The following NALF1 variants were observed in gnomAD, a reference collection of about 807,000 sequenced individuals.
NALF1 encodes NALCN channel auxiliary factor 1.
Under a neutral mutation model 48.4 loss-of-function variants are expected in NALF1, and 3 were observed. That is an observed-to-expected ratio of 0.06 (90% confidence interval 0.03 to 0.16). The LOEUF (loss-of-function observed/expected upper bound fraction) is 0.16, where lower values mean the gene tolerates loss of function less well. Among genes scored for constraint, NALF1 ranks in the 10% least tolerant of loss-of-function variants. The pLI is 1.00. For missense variants in NALF1, 526 were observed against 571.5 expected (o/e 0.92, Z 0.81); for synonymous variants, 262 against 245.7 (o/e 1.07, Z -0.62).
At chr13:107,820,216 G>GT (rs1879325797) in intron 1 of NALF1, among the ~76,000 whole-genome samples, 1 of 152,172 alleles carries the variant, frequency 6.6e-6, no homozygotes, top group African/African-American at 2.4e-5. Context: ...TCTGCATAAG[G>GT]TAAGAGATCA....
intron 1 of NALF1, among the ~76,000 whole-genome samples, chr13:107,727,501 C>T (rs891326626): frequency 6.6e-6 from 1 of 152,114 alleles, no homozygotes; most frequent in Non-Finnish European, 1.5e-5. Flanking sequence ...AAAAGGCTTC[C>T]TTGAGTCCAG....
chr13:107,547,421 G>A (rs559069530), intron 1 of NALF1, among the ~76,000 whole-genome samples: 2 of 152,140 alleles, frequency 1.3e-5, no homozygotes, highest in Non-Finnish European at 2.9e-5. Context: ...ATCATCTGTT[G>A]GTTACCAAAT....
At chr13:107,251,961 G>C (rs1175904146) in intron 1 of NALF1, among the ~76,000 whole-genome samples, 1 of 152,186 alleles carries the variant, frequency 6.6e-6, no homozygotes, top group Non-Finnish European at 1.5e-5. Context: ...TCTGCCTACA[G>C]AGTGTCCCCT....
At chr13:107,503,126 A>G (rs970805521) in intron 1 of NALF1, among the ~76,000 whole-genome samples, 17 of 152,330 alleles carry the variant, frequency 1.1e-4, no homozygotes, top group African/African-American at 2.9e-4. Context: ...TTAGATTCAT[A>G]GGAACTTCAG....
chr13:107,281,642 C>T (rs1053808070), intron 1 of NALF1, among the ~76,000 whole-genome samples: 6 of 152,144 alleles, frequency 3.9e-5, no homozygotes, highest in East Asian at 1.9e-4. Flanking sequence ...TTCTTCGAAC[C>T]TGACTGTATT....
intron 2 of NALF1, among the ~76,000 whole-genome samples, chr13:107,178,901 C>T (rs1226457601): frequency 6.6e-6 from 1 of 151,654 alleles, no homozygotes; most frequent in African/African-American, 2.4e-5. Flanking sequence ...GCCGCGATCC[C>T]GCCACTGCAC....
chr13:107,682,508 T>A (rs892626382), intron 1 of NALF1, among the ~76,000 whole-genome samples: 2 of 152,106 alleles, frequency 1.3e-5, no homozygotes, highest in Admixed American at 1.3e-4. Flanking sequence ...CCCATCCACA[T>A]TCAGCTCAAA....
chr13:107,415,391 T>TC (rs1372960923), intron 1 of NALF1, among the ~76,000 whole-genome samples: 1 of 152,038 alleles, frequency 6.6e-6, no homozygotes, highest in East Asian at 1.9e-4. Flanking sequence ...TTTTTTTTTT[T>TC]CTTTTTCTGT....
At chr13:107,647,843 A>G (rs1297078531) in intron 1 of NALF1, among the ~76,000 whole-genome samples, 1 of 152,122 alleles carries the variant, frequency 6.6e-6, no homozygotes, top group African/African-American at 2.4e-5. Flanking sequence ...GCTTCTTCAC[A>G]TATTTGAAAT....
chr13:107,287,496 G>A (rs1249711125), intron 1 of NALF1, among the ~76,000 whole-genome samples: 1 of 151,986 alleles, frequency 6.6e-6, no homozygotes. Context: ...CTTTGAAAAC[G>A]TCAAATAAAA....
intron 1 of NALF1, among the ~76,000 whole-genome samples, chr13:107,291,436 T>C (rs1228541875): frequency 6.6e-6 from 1 of 151,624 alleles, no homozygotes; most frequent in Non-Finnish European, 1.5e-5. Flanking sequence ...ACAGTTTATT[T>C]AGCATCCCCA....
At chr13:107,854,635 G>A (rs1880397762) in intron 1 of NALF1, among the ~76,000 whole-genome samples, 1 of 152,132 alleles carries the variant, frequency 6.6e-6, no homozygotes, top group Non-Finnish European at 1.5e-5. Flanking sequence ...CACTTTGGGA[G>A]GCCGAGGCGG....
At chr13:107,323,942 C>T (rs1454797825) in intron 1 of NALF1, among the ~76,000 whole-genome samples, 1 of 152,056 alleles carries the variant, frequency 6.6e-6, no homozygotes, top group Admixed American at 6.6e-5. Context: ...AGACCCTATC[C>T]CTATGAATAA....
chr13:107,465,533 TG>T (rs1884988548), intron 1 of NALF1, among the ~76,000 whole-genome samples: 1 of 152,270 alleles, frequency 6.6e-6, no homozygotes, highest in African/African-American at 2.4e-5. Context: ...TCTATCAGAC[TG>T]CTGTCTTCAC....
intron 1 of NALF1, among the ~76,000 whole-genome samples, chr13:107,312,243 T>TA (rs1332191014): frequency 6.6e-6 from 1 of 152,138 alleles, no homozygotes; most frequent in South Asian, 2.1e-4. Context: ...TATGCAGCCA[T>TA]AAAAAATGAT....
rs141812557 is a variant in NALF1 at position 107,487,691 on chromosome 13, T to C, written c.916-276936A>G. Among the ~76,000 whole-genome samples, 75 of 152,314 alleles carry C rather than the reference T, an allele frequency of 4.9e-4. 1 individual carries two copies. The East Asian group carries it at 0.013, about 27-fold the overall frequency. ...CTGGATTCAGTTTGCTAGTGTTTTT[T>C]TGAGGATTTTTGCGTTAATTTTGAT... On this transcript the variant is annotated intron_variant, in intron 1 of 2. Coordinates refer to ENST00000375915, the MANE Select transcript of NALF1 (RefSeq NM_001080396.3).
chr13:107,668,475 C>T (rs947896042), intron 1 of NALF1, among the ~76,000 whole-genome samples: 2 of 151,952 alleles, frequency 1.3e-5, no homozygotes, highest in African/African-American at 4.8e-5. Flanking sequence ...TCTAGGGAAC[C>T]CACTACTGAG....
intron 1 of NALF1, among the ~76,000 whole-genome samples, chr13:107,411,345 T>A (rs898527153): frequency 4.0e-5 from 6 of 150,722 alleles, no homozygotes; most frequent in Non-Finnish European, 7.4e-5. Context: ...TGCATCTTGC[T>A]CTGTTGCCCA....
At chr13:107,332,398 A>C (rs572621225) in intron 1 of NALF1, among the ~76,000 whole-genome samples, 3 of 152,216 alleles carry the variant, frequency 2.0e-5, no homozygotes, top group Non-Finnish European at 4.4e-5. Context: ...GAGTAGAAAA[A>C]TACAACTAGA....
Sources: gnomAD v4.1 joint callset for allele counts (sites outside exome capture counted in the v4.1 genomes callset) on GRCh38, gnomAD v4.1.1 for gene constraint, MANE v1.5 for transcripts, NCBI Gene and HGNC (gene_info 2026-07-23, HGNC 2026-07-21) for gene names.